CCDC88A: variants seen among roughly 807,000 people sequenced by gnomAD.
CCDC88A encodes coiled-coil and HOOK domain protein 88A.
CCDC88A carries 54 observed loss-of-function variants against 234.3 expected under a neutral mutation model. The ratio of observed to expected loss-of-function variants is 0.23; its 90% CI spans 0.19 to 0.29. The LOEUF (loss-of-function observed/expected upper bound fraction) is 0.29, where lower values mean the gene tolerates loss of function less well. Ranked by LOEUF, CCDC88A falls within the 10% of genes least tolerant of loss-of-function variation. The probability of loss-of-function intolerance (pLI) is 1.00; values close to 1 mark genes in which losing one functional copy is unlikely to be tolerated. For missense variants in CCDC88A, 1,832 were observed against 2,123.4 expected, an observed-to-expected ratio of 0.86 and a Z score of 2.70; for synonymous variants, 753 against 737.8, an observed-to-expected ratio of 1.02 and a Z score of -0.33.
intron 2 of CCDC88A, among the ~76,000 whole-genome samples, chr2:55,401,431 C>G (rs1678605897): frequency 6.7e-5 from 1 of 14,878 alleles, no homozygotes; most frequent in Non-Finnish European, 1.6e-4. Flanking sequence ...AAGACTCTGT[C>G]TCCAAAAAAA....
At chr2:55,348,753 G>A (rs143780928) in intron 9 of CCDC88A, 5 of 152,132 alleles carry the variant, frequency 3.3e-5, no homozygotes, top group Admixed American at 2.0e-4. Flanking sequence ...ACCAACACAC[G>A]TAAAAAAAAC....
intron 3 of CCDC88A, among the ~76,000 whole-genome samples, chr2:55,380,715 A>C (rs1004700620): frequency 2.6e-5 from 4 of 152,148 alleles, no homozygotes; most frequent in African/African-American, 9.7e-5. Flanking sequence ...TCCTGGGTTC[A>C]AGTGATTCTC....
At chr2:55,370,331 C>T (rs1672628348) in intron 5 of CCDC88A, among the ~76,000 whole-genome samples, 1 of 152,002 alleles carries the variant, frequency 6.6e-6, no homozygotes. Flanking sequence ...GTTGATAAAA[C>T]CTATTCTCTC....
In CCDC88A at chr2:55,317,557, A is replaced by C; in HGVS notation, c.3602+7T>G. 1 of 1,529,436 alleles carries C rather than the reference A, an allele frequency of 6.5e-7. No individual in the cohort carries two copies. The highest frequency in any genetic ancestry group is 8.8e-7 in the Non-Finnish European group (1 of 1,135,020). 94.7% of individuals were successfully genotyped at this position (1,529,436 alleles called of 1,614,324 possible). On this transcript the variant is annotated splice_region_variant and intron_variant, in intron 20 of 32. Coordinates refer to ENST00000436346, the MANE Select transcript of CCDC88A (RefSeq NM_001365480.1). This position sits in a 1 kb window ranked among gnomAD's most constrained non-coding sequence, Gnocchi z 4.2. ...AATTCACAGTACAACAAAATATAAT[A>C]AATTACCGGTCTTCAAGGTCTCTAT...
At chr2:55,330,338 T>C (rs977306066) in intron 16 of CCDC88A, among the ~76,000 whole-genome samples, 1 of 151,838 alleles carries the variant, frequency 6.6e-6, no homozygotes, top group Non-Finnish European at 1.5e-5. Flanking sequence ...CCAGGCATGG[T>C]GGTGCGTGCC....
At chr2:55,338,504 T>A (rs1668072985) in intron 13 of CCDC88A, among the ~76,000 whole-genome samples, 1 of 152,242 alleles carries the variant, frequency 6.6e-6, no homozygotes, top group Non-Finnish European at 1.5e-5. Context: ...ATAAAACACT[T>A]GTTCTTGCAC....
chr2:55,363,971 C>A lies in CCDC88A; in HGVS notation c.465G>T (p.Ala155=), dbSNP rs374500852. The A allele has an allele frequency of 1.4e-5, 22 of 1,597,370 alleles. No individual in the cohort carries two copies. In the African/African-American group the frequency reaches 3.0e-4, roughly 21 times the overall value. The stretch of plus-strand genomic sequence containing the variant: ...TTACCTCTTGAATATGTGCGGCAAC[C>A]GCTGCTTTTGTATCAAAATCTAAAC... The part of the protein sequence containing the change: ...IQGLDFDTKA[A]VAAHIQEVTH... The change falls in exon 6 of 33, where the codon GCG becomes GCT. Residue 155 remains alanine, a synonymous_variant. Coordinates refer to ENST00000436346, the MANE Select transcript of CCDC88A (RefSeq NM_001365480.1).
chr2:55,361,230 G>A (rs774414368), intron 7 of CCDC88A, among the ~76,000 whole-genome samples: 18 of 151,826 alleles, frequency 1.2e-4, no homozygotes, highest in Non-Finnish European at 1.9e-4. Context: ...TCTAGAGAAC[G>A]CATAAATCAG....
chr2:55,375,096 A>G (rs1673422268), intron 3 of CCDC88A, among the ~76,000 whole-genome samples: 1 of 152,324 alleles, frequency 6.6e-6, no homozygotes, highest in Non-Finnish European at 1.5e-5. Flanking sequence ...AGTTAATAAT[A>G]TATGAGGCTG....
At position 55,419,248 on chromosome 2, in the gene CCDC88A, T is replaced by A; in HGVS notation, c.-169A>T. The A allele has an allele frequency of 1.7e-6, 1 of 584,968 alleles. No homozygotes were observed. Among genetic ancestry groups the A allele is most frequent in the Non-Finnish European group, 3.0e-6 (1 of 329,646 alleles). The allele number at this position is 584,968 out of a possible 1,614,324, so 36.2% of individuals were successfully genotyped here. A position where few individuals can be genotyped will look rare whatever the true frequency, so the allele number is the denominator to read the frequency against. On this transcript the variant is annotated 5_prime_UTR_variant, in exon 1 of 33. Coordinates refer to ENST00000436346, the MANE Select transcript of CCDC88A (RefSeq NM_001365480.1). ...TCCCTCCTCAAAAAACACCCCAGAG[T>A]GAAACGAGCCGAAATCCCAAGAAGT... is the stretch of plus-strand genomic sequence containing the variant.
At chr2:55,402,336 C>T (rs1678839332) in intron 2 of CCDC88A, among the ~76,000 whole-genome samples, 1 of 152,112 alleles carries the variant, frequency 6.6e-6, no homozygotes, top group South Asian at 2.1e-4. Flanking sequence ...CTTAAACCTG[C>T]TTCTGCATTC....
At chr2:55,412,336 T>C (rs1332655792) in intron 2 of CCDC88A, among the ~76,000 whole-genome samples, 1 of 152,130 alleles carries the variant, frequency 6.6e-6, no homozygotes, top group South Asian at 2.1e-4. Context: ...AGGAATTGGT[T>C]AGTCAAAGAA....
At chr2:55,393,289 GTTTTTTTTTTT>G (rs558827055) in intron 2 of CCDC88A, among the ~76,000 whole-genome samples, 1 of 61,658 alleles carries the variant, frequency 1.6e-5, no homozygotes, top group Non-Finnish European at 2.7e-5. Context: ...GGTTTTTTGG[GTTTTTTTTTTT>G]TTTTTTTTTT....
At chr2:55,340,599 A>G (rs767009880) in intron 12 of CCDC88A, among the ~76,000 whole-genome samples, 2 of 152,212 alleles carry the variant, frequency 1.3e-5, no homozygotes, top group African/African-American at 4.8e-5. Flanking sequence ...ATTTAACTAT[A>G]AACTTACAGG....
chr2:55,335,008 T>C lies in CCDC88A; in HGVS notation c.1813A>G (p.Lys605Glu), dbSNP rs754163389. 1 of 1,607,788 alleles carries C rather than the reference T, an allele frequency of 6.2e-7. No individual in the cohort carries two copies. The stretch of plus-strand genomic sequence containing the variant: ...ATTTGTCTTTTTTCAAATTCAATCT[T>C]GCTTAGCTTGCTACTTGTTTCTTTG... ...SIKETSSKLS[K>E]IEFEKRQIKK... Residue 605 changes from lysine to glutamate, a missense_variant, in exon 15 of 33, where the codon AAG (lysine) becomes GAG (glutamate). Physicochemically the swap from Lys to Glu is moderately conservative, Grantham distance 56 (BLOSUM62 1). Around this residue, in one of 6 missense-constraint regions of CCDC88A, gnomAD observed 1,282 missense variants for 1,543.6 expected, o/e 0.83. Transcript: ENST00000436346. The surrounding 1 kb of genome is among the most constrained non-coding windows in gnomAD (Gnocchi z 4.5).
At position 55,339,655 on chromosome 2, in the gene CCDC88A, T is replaced by C; in HGVS notation, c.1334-7A>G. 2 of 1,589,724 alleles carry C rather than the reference T, an allele frequency of 1.3e-6. No homozygotes were observed. The highest frequency in any genetic ancestry group is 1.2e-5 in the South Asian group (1 of 86,378). ...CCCAGGGATTTCTGGGGTGCTATAA[T>C]ATTGAAAAATACACCATTGTATTTA... On this transcript the variant is annotated splice_region_variant and splice_polypyrimidine_tract_variant and intron_variant, in intron 12 of 32. Coordinates refer to ENST00000436346, the MANE Select transcript of CCDC88A (RefSeq NM_001365480.1).
intron 31 of CCDC88A, 185 bp downstream of exon 31, chr2:55,295,412 A>G: frequency 3.2e-6 from 5 of 1,549,150 alleles, no homozygotes; most frequent in Non-Finnish European, 4.4e-6. Flanking sequence ...CGAATGCATC[A>G]CTAGGCATCC....
In CCDC88A at chr2:55,295,815, T is replaced by G. The variant is rs1433158350; in HGVS notation, c.5333A>C (p.Gln1778Pro). ...TTCTTTTACTAATTTTATTTTTCCT[T>G]GAGTGCCTGGTGTAGGTTTTCCCGC... ...SSAGKPTPGT[Q>P]GKIKLVKESS... The change falls in exon 31 of 33, where the codon CAA becomes CCA. Residue 1778 changes from glutamine (Q) to proline (P), a missense_variant. By Grantham distance (76) the Gln-to-Pro change is moderately conservative. Around this residue, in one of 6 missense-constraint regions of CCDC88A, gnomAD observed 422 missense variants for 416.5 expected, o/e 1.01. Coordinates refer to ENST00000436346, the MANE Select transcript of CCDC88A (RefSeq NM_001365480.1). 6.2e-7 allele frequency: 1 copy of G among 1,614,160 alleles called. No homozygotes were observed. The highest frequency in any genetic ancestry group is 2.2e-5 in the East Asian group (1 of 44,884).
intron 7 of CCDC88A, chr2:55,362,058 AAC>A: frequency 3.4e-6 from 1 of 296,780 alleles, no homozygotes; most frequent in South Asian, 1.2e-4. Context: ...TGACTTGAAA[AAC>A]ACACAGGAAG....
Sources: allele counts gnomAD v4.1 joint callset (sites outside exome capture counted in the v4.1 genomes callset), GRCh38; gene constraint gnomAD v4.1.1; regional missense constraint gnomAD v4.1.1; non-coding constraint Gnocchi (gnomAD v3.1); transcripts MANE v1.5; gene names NCBI Gene and HGNC (gene_info 2026-07-23, HGNC 2026-07-21).